The following GSDMC variants were observed in gnomAD, a reference collection of about 807,000 sequenced individuals.
GSDMC encodes the protein gasdermin C.
GSDMC carries 59 observed loss-of-function variants against 58.0 expected under a neutral mutation model. That is an observed-to-expected ratio of 1.02 (90% confidence interval 0.82 to 1.26). GSDMC has a LOEUF of 1.26. Among genes scored for constraint, GSDMC ranks in the 50% most tolerant of loss-of-function variants. The pLI is 0.00. For missense variants in GSDMC, 659 were observed against 598.5 expected, an observed-to-expected ratio of 1.10 and a Z score of -1.06; for synonymous variants, 241 against 220.2, an observed-to-expected ratio of 1.09 and a Z score of -0.83.
the GSDMC span, among the ~76,000 whole-genome samples, chr8:129,724,655 A>C: frequency 6.6e-6 from 1 of 152,020 alleles, no homozygotes; most frequent in African/African-American, 2.4e-5. Context: ...ATATGTTCAC[A>C]CACAGAAACA....
chr8:129,777,277 G>T (rs896627564), intron 2 of GSDMC, 91 bp downstream of exon 2: 34 of 762,198 alleles, frequency 4.5e-5, no homozygotes, highest in Non-Finnish European at 7.1e-5. Context: ...GCTCCTTTCT[G>T]TGTGCTCAGT....
intron 7 of GSDMC, 68 bp from the exon 8 acceptor site, chr8:129,752,215 C>A: frequency 8.3e-7 from 1 of 1,207,842 alleles, no homozygotes. Flanking sequence ...TCCTCTACTT[C>A]TTTCCCTCTT....
At chr8:129,784,130 G>C (rs2034491940) in intron 1 of GSDMC, among the ~76,000 whole-genome samples, 1 of 152,066 alleles carries the variant, frequency 6.6e-6, no homozygotes, top group Non-Finnish European at 1.5e-5. Context: ...GCCTCAAACT[G>C]TGAAACTACT....
downstream of GSDMC, among the ~76,000 whole-genome samples, chr8:129,744,478 G>A (rs1249126259): frequency 6.6e-6 from 1 of 152,214 alleles, no homozygotes; most frequent in African/African-American, 2.4e-5. Context: ...CCCAGGAAAT[G>A]TATAACAGTT....
intron 10 of GSDMC, 93 bp downstream of exon 10, chr8:129,751,449 C>T (rs1056707367): frequency 1.0e-5 from 10 of 984,050 alleles, no homozygotes; most frequent in East Asian, 2.5e-5. Flanking sequence ...AAGTGGACCT[C>T]AGTTTCTGAC....
At chr8:129,722,323 T>C in the GSDMC span, among the ~76,000 whole-genome samples, 2 of 152,180 alleles carry the variant, frequency 1.3e-5, no homozygotes, top group Non-Finnish European at 2.9e-5. Flanking sequence ...ATAATCAATG[T>C]GGGTGAGTGA....
At chr8:129,734,291 C>A in the GSDMC span, among the ~76,000 whole-genome samples, 2 of 152,170 alleles carry the variant, frequency 1.3e-5, no homozygotes, top group Non-Finnish European at 2.9e-5. Context: ...TCTAGCAAGG[C>A]AGGCCAACAC....
the GSDMC span, among the ~76,000 whole-genome samples, chr8:129,714,392 C>T: frequency 1.3e-5 from 2 of 152,224 alleles, no homozygotes; most frequent in African/African-American, 4.8e-5. Context: ...CTCATTCATT[C>T]ATTCCTCCGT....
chr8:129,713,596 G>A, the GSDMC span, among the ~76,000 whole-genome samples: 15 of 152,262 alleles, frequency 9.9e-5, no homozygotes, highest in Admixed American at 2.6e-4. Context: ...AGACAGCTCC[G>A]GACAGAGACA....
At chr8:129,713,496 G>A in the GSDMC span, among the ~76,000 whole-genome samples, 1 of 152,090 alleles carries the variant, frequency 6.6e-6, no homozygotes, top group Admixed American at 6.5e-5. Flanking sequence ...AAACACTCTG[G>A]GTGTGGTGAG....
chr8:129,752,989 C>A, intron 6 of GSDMC, 169 bp from the exon 7 acceptor site: 1 of 1,260,104 alleles, frequency 7.9e-7, no homozygotes, highest in Non-Finnish European at 1.1e-6. Flanking sequence ...TCTTTCAGAA[C>A]TCAAGTTTCT....
intron 10 of GSDMC, 112 bp downstream of exon 10, chr8:129,751,430 C>T: frequency 1.2e-6 from 1 of 811,168 alleles, no homozygotes; most frequent in South Asian, 1.7e-5. Context: ...GAGCAAAGTG[C>T]AAATTTGGAA....
chr8:129,710,618 T>C, the GSDMC span, among the ~76,000 whole-genome samples: 1 of 152,186 alleles, frequency 6.6e-6, no homozygotes, highest in South Asian at 2.1e-4. Flanking sequence ...ACTTTGTTCT[T>C]ATCTTGAGAA....
At chr8:129,728,955 C>T in the GSDMC span, 580 of 669,064 alleles carry the variant, frequency 8.7e-4, 3 homozygotes, top group African/African-American at 9.1e-3. Flanking sequence ...GGTGGTCAAG[C>T]TGCTGAACGA....
At chr8:129,716,985 T>A in the GSDMC span, among the ~76,000 whole-genome samples, 1 of 152,228 alleles carries the variant, frequency 6.6e-6, no homozygotes, top group Non-Finnish European at 1.5e-5. Flanking sequence ...TCATGGTGGA[T>A]AAGCTTTTTG....
chr8:129,718,884 G>T, the GSDMC span, among the ~76,000 whole-genome samples: 1 of 152,120 alleles, frequency 6.6e-6, no homozygotes, highest in East Asian at 1.9e-4. Context: ...TCCTTTGCAG[G>T]GACATGGGTG....
chr8:129,747,056 C>T (rs2032976861), downstream of GSDMC, among the ~76,000 whole-genome samples: 1 of 151,792 alleles, frequency 6.6e-6, no homozygotes, highest in Non-Finnish European at 1.5e-5. Flanking sequence ...TCAAGACCAT[C>T]CCGGCCAACA....
At chr8:129,736,177 G>C in the GSDMC span, among the ~76,000 whole-genome samples, 12 of 152,132 alleles carry the variant, frequency 7.9e-5, no homozygotes, top group Admixed American at 6.5e-5. Flanking sequence ...AAAAAGTCCA[G>C]GACCAGATGG....
At chr8:129,717,146 A>G in the GSDMC span, among the ~76,000 whole-genome samples, 3 of 151,908 alleles carry the variant, frequency 2.0e-5, no homozygotes, top group Middle Eastern at 3.4e-3. Flanking sequence ...TGAGTTAAGG[A>G]GGAGCCCCTC....
Sources: allele counts gnomAD v4.1 joint callset (sites outside exome capture counted in the v4.1 genomes callset), GRCh38; gene constraint gnomAD v4.1.1; transcripts MANE v1.5; gene names NCBI Gene and HGNC (gene_info 2026-07-23, HGNC 2026-07-21).